The following WWOX variants were observed in gnomAD, a reference collection of about 807,000 sequenced individuals.
WWOX encodes the protein WW domain containing oxidoreductase.
A neutral mutation model predicts 46.2 loss-of-function variants in WWOX; 69 were observed. The observed-to-expected ratio is 1.49, with a 90% CI of 1.23 to 1.82. WWOX has a LOEUF of 1.82. Among genes scored for constraint, WWOX ranks in the 40% most tolerant of loss-of-function variants. WWOX has a pLI of 0.00. For missense variants in WWOX, 919 were observed against 542.6 expected (o/e 1.69, Z -6.89); for synonymous variants, 359 against 202.6 (o/e 1.77, Z -6.56).
intron 8 of WWOX, among the ~76,000 whole-genome samples, chr16:79,182,987 G>T (rs933393756): frequency 6.6e-6 from 1 of 152,206 alleles, no homozygotes; most frequent in South Asian, 2.1e-4. Flanking sequence ...GTACTAGGCG[G>T]GTCAGCATAG....
At chr16:78,461,979 C>G (rs1206941565) in intron 8 of WWOX, among the ~76,000 whole-genome samples, 1 of 152,224 alleles carries the variant, frequency 6.6e-6, no homozygotes, top group Non-Finnish European at 1.5e-5. Context: ...CTCAACAGAC[C>G]ATTTTCAGCA....
chr16:78,457,442 G>C (rs975926001), intron 8 of WWOX, among the ~76,000 whole-genome samples: 5 of 152,158 alleles, frequency 3.3e-5, no homozygotes, highest in Non-Finnish European at 7.4e-5. Context: ...TCCTGAGAAA[G>C]CGAAGGTGAA....
intron 8 of WWOX, among the ~76,000 whole-genome samples, chr16:78,853,337 C>T (rs143789793): frequency 1.3e-5 from 2 of 152,188 alleles, no homozygotes; most frequent in Admixed American, 1.3e-4. Context: ...TCTTCTGCCT[C>T]AGCCTGCTGG....
intron 8 of WWOX, among the ~76,000 whole-genome samples, chr16:78,830,164 C>T (rs954474239): frequency 1.3e-5 from 2 of 151,982 alleles, no homozygotes; most frequent in African/African-American, 4.8e-5. Context: ...GCAAGAGCTG[C>T]CGCAATGAAA....
At chr16:78,943,385 G>A (rs1344162247) in intron 8 of WWOX, among the ~76,000 whole-genome samples, 3 of 147,482 alleles carry the variant, frequency 2.0e-5, no homozygotes, top group South Asian at 2.1e-4. Flanking sequence ...CATCTCCTCC[G>A]ACTGCATCGC....
chr16:79,068,188 C>A (rs2048477338), intron 8 of WWOX, among the ~76,000 whole-genome samples: 1 of 152,074 alleles, frequency 6.6e-6, no homozygotes, highest in African/African-American at 2.4e-5. Context: ...GGTGAATGAC[C>A]CTGTAATCCT....
At chr16:79,087,570 T>G (rs2048876545) in intron 8 of WWOX, among the ~76,000 whole-genome samples, 4 of 151,646 alleles carry the variant, frequency 2.6e-5, no homozygotes, top group Admixed American at 2.0e-4. Context: ...CAAGACTCTG[T>G]GCTGGACAAG....
Position 79,095,658 on chromosome 16 carries a change from T to A in WWOX, c.1057-115950T>A, listed in dbSNP as rs932706525. 2.0e-5 allele frequency among the ~76,000 whole-genome samples: 3 copies of A among 152,068 alleles called. No homozygotes were observed. In the East Asian group the frequency reaches 5.8e-4, roughly 29 times the overall value. The stretch of plus-strand genomic sequence containing the variant: ...ATGAGTAGGCTCTAACCTGGCAGGT[T>A]TTTCAACATGGAACCATTATTTGTC... On this transcript the variant is annotated intron_variant, in intron 8 of 8. Coordinates refer to ENST00000566780, the MANE Select transcript of WWOX (RefSeq NM_016373.4).
rs142469827 is a variant in WWOX at position 78,653,081 on chromosome 16, G to A, written c.1056+220329G>A. On this transcript the variant is annotated intron_variant, in intron 8 of 8. Transcript: ENST00000566780. ...AATCACTCTTAATATTTTGTTGCAT[G>A]TTCTTTTCTTTCTTCTGAGTGATAG... Among the ~76,000 whole-genome samples the A allele has an allele frequency of 2.8e-4, 42 of 151,992 alleles. No homozygotes were observed. In the East Asian group the frequency reaches 6.4e-3, roughly 23 times the overall value.
At chr16:78,991,167 A>G (rs1597246472) in intron 8 of WWOX, among the ~76,000 whole-genome samples, 1 of 152,200 alleles carries the variant, frequency 6.6e-6, no homozygotes, top group African/African-American at 2.4e-5. Context: ...GCCCTTGTCA[A>G]AGTCAAAGAA....
At chr16:78,437,624 GAGGGAA>G (rs1490660865) in intron 8 of WWOX, among the ~76,000 whole-genome samples, 5 of 152,130 alleles carry the variant, frequency 3.3e-5, no homozygotes, top group Non-Finnish European at 7.4e-5. Context: ...GGCGTCCTGG[GAGGGAA>G]GTGTTTGTTT....
At chr16:79,171,483 G>T (rs1472455825) in intron 8 of WWOX, among the ~76,000 whole-genome samples, 1 of 152,120 alleles carries the variant, frequency 6.6e-6, no homozygotes, top group African/African-American at 2.4e-5. Context: ...TTTCACATCA[G>T]TTTGCTACCC....
intron 8 of WWOX, among the ~76,000 whole-genome samples, chr16:78,652,506 A>G (rs1024579481): frequency 2.0e-5 from 3 of 152,138 alleles, no homozygotes; most frequent in African/African-American, 7.2e-5. Context: ...AAGGACTATA[A>G]AAAAAGTTGT....
chr16:78,223,232 C>T (rs2036948827), intron 5 of WWOX, among the ~76,000 whole-genome samples: 1 of 152,038 alleles, frequency 6.6e-6, no homozygotes, highest in Non-Finnish European at 1.5e-5. Flanking sequence ...TTTGGGTTGT[C>T]ATATCTTGGA....
At position 78,691,923 on chromosome 16, in the gene WWOX, G is replaced by A. The variant is rs147576180; in HGVS notation, c.1056+259171G>A. 8.5e-5 allele frequency among the ~76,000 whole-genome samples: 13 copies of A among 152,294 alleles called. No individual in the cohort carries two copies. In the East Asian group the frequency reaches 2.5e-3, roughly 29 times the overall value. ...AATCATGGGGCCCAGCCTTTCCCAT[G>A]CTATTCTCATAATAGTGAATAAGTC... On this transcript the variant is annotated intron_variant, in intron 8 of 8. Transcript: ENST00000566780.
chr16:78,899,683 C>G (rs567127477), intron 8 of WWOX: 1 of 152,286 alleles, frequency 6.6e-6, no homozygotes, highest in Non-Finnish European at 1.5e-5. Context: ...TACAGATACC[C>G]AGAACGGCTC....
At chr16:78,690,729 G>T (rs982766204) in intron 8 of WWOX, among the ~76,000 whole-genome samples, 1 of 152,140 alleles carries the variant, frequency 6.6e-6, no homozygotes, top group African/African-American at 2.4e-5. Context: ...ATGCATGTAT[G>T]AATAAACTTC....
At chr16:78,660,757 C>T (rs1293825883) in intron 8 of WWOX, among the ~76,000 whole-genome samples, 1 of 152,178 alleles carries the variant, frequency 6.6e-6, no homozygotes, top group East Asian at 1.9e-4. Context: ...GTTATGGATT[C>T]TTCCAGAAAC....
At chr16:78,601,085 C>T (rs530805879) in intron 8 of WWOX, among the ~76,000 whole-genome samples, 2 of 152,320 alleles carry the variant, frequency 1.3e-5, no homozygotes, top group South Asian at 4.1e-4. Flanking sequence ...TTTTATGTGT[C>T]AGGCCTTCAG....
Sources: allele counts gnomAD v4.1 joint callset (sites outside exome capture counted in the v4.1 genomes callset), GRCh38; gene constraint gnomAD v4.1.1; transcripts MANE v1.5; gene names NCBI Gene and HGNC (gene_info 2026-07-23, HGNC 2026-07-21).